The following KIRREL1 variants were observed in gnomAD, a reference collection of about 807,000 sequenced individuals.
The protein encoded by KIRREL1 is kin of IRRE-like protein 1.
KIRREL1 carries 25 observed loss-of-function variants against 83.3 expected under a neutral mutation model. That is an observed-to-expected ratio of 0.30 (90% CI 0.22 to 0.42). The LOEUF (loss-of-function observed/expected upper bound fraction) is 0.42. Among genes scored for constraint, KIRREL1 ranks in the 10% least tolerant of loss-of-function variants. The probability of loss-of-function intolerance (pLI) is 1.00; values close to 1 mark genes in which losing one functional copy is unlikely to be tolerated. For missense variants in KIRREL1, 812 were observed against 1,032.3 expected, an observed-to-expected ratio of 0.79 and a Z score of 2.92; for synonymous variants, 388 against 410.4, an observed-to-expected ratio of 0.95 and a Z score of 0.66.
chr1:158,008,885 G>A (rs545046366), intron 1 of KIRREL1, among the ~76,000 whole-genome samples: 1 of 152,276 alleles, frequency 6.6e-6, no homozygotes, highest in East Asian at 1.9e-4. Flanking sequence ...CTGTCTCCAT[G>A]GGGTCAGCAC....
intron 1 of KIRREL1, among the ~76,000 whole-genome samples, chr1:158,008,719 C>G (rs1014789016): frequency 2.0e-5 from 3 of 152,156 alleles, no homozygotes; most frequent in Non-Finnish European, 4.4e-5. Flanking sequence ...CATGTGGGAG[C>G]TGCGCCAGGT....
intron 1 of KIRREL1, among the ~76,000 whole-genome samples, chr1:157,996,749 G>A (rs1488568205): frequency 6.6e-6 from 1 of 152,216 alleles, no homozygotes; most frequent in African/African-American, 2.4e-5. Context: ...AGAGTCAGGG[G>A]AGACATGGCA....
chr1:157,997,235 T>C (rs540492289), intron 1 of KIRREL1, among the ~76,000 whole-genome samples: 15 of 152,276 alleles, frequency 9.9e-5, no homozygotes, highest in Admixed American at 2.0e-4. Context: ...GAACAAGTCA[T>C]GTACATTCCC....
intron 1 of KIRREL1, among the ~76,000 whole-genome samples, chr1:158,061,173 C>A (rs982121488): frequency 6.6e-6 from 1 of 152,060 alleles, no homozygotes; most frequent in Non-Finnish European, 1.5e-5. Context: ...GCAAAGGCTG[C>A]TCGTTGGAAT....
chr1:158,092,132 A>G (rs555216419), intron 11 of KIRREL1, among the ~76,000 whole-genome samples: 1 of 152,348 alleles, frequency 6.6e-6, no homozygotes, highest in African/African-American at 2.4e-5. Context: ...CTACCTCTTC[A>G]AGAATTGTCA....
At chr1:157,994,570 G>T (rs979220484) in intron 1 of KIRREL1, among the ~76,000 whole-genome samples, 1 of 152,008 alleles carries the variant, frequency 6.6e-6, no homozygotes, top group Admixed American at 6.5e-5. Context: ...GCTGGGGTTG[G>T]GGGAGGGAAG....
intron 4 of KIRREL1, among the ~76,000 whole-genome samples, 165 bp from the exon 5 acceptor site, chr1:158,086,431 C>T (rs1662015839): frequency 6.6e-6 from 1 of 151,472 alleles, no homozygotes; most frequent in African/African-American, 2.4e-5. Context: ...TAAACACACA[C>T]ACACACACAC....
intron 4 of KIRREL1, among the ~76,000 whole-genome samples, chr1:158,085,552 T>C (rs1299969914): frequency 6.6e-6 from 1 of 152,182 alleles, no homozygotes; most frequent in Non-Finnish European, 1.5e-5. Flanking sequence ...ACCAAACAAG[T>C]TGGTTTGTTA....
intron 1 of KIRREL1, among the ~76,000 whole-genome samples, chr1:158,074,725 G>A (rs934134318): frequency 5.3e-4 from 81 of 152,316 alleles, no homozygotes; most frequent in African/African-American, 1.9e-3. Context: ...GAGAAATGGG[G>A]CTGGTGAAGA....
intron 13 of KIRREL1, 100 bp downstream of exon 13, chr1:158,093,862 A>T: frequency 7.6e-7 from 1 of 1,313,764 alleles, no homozygotes. Flanking sequence ...CTCCTTCCTC[A>T]GTCGGTCTTC....
At chr1:158,088,252 G>A (rs1662078126) in intron 7 of KIRREL1, 75 bp from the exon 8 acceptor site, 1 of 1,602,972 alleles carries the variant, frequency 6.2e-7, no homozygotes, top group African/African-American at 1.3e-5. Context: ...GGAGGTAGCA[G>A]GGCAGGAGGA....
At chr1:158,030,337 A>G (rs1041166062) in intron 1 of KIRREL1, among the ~76,000 whole-genome samples, 10 of 152,224 alleles carry the variant, frequency 6.6e-5, no homozygotes, top group African/African-American at 2.4e-4. Context: ...TCAGACTTGC[A>G]TATATTTTAG....
chr1:157,993,668 G>C lies in KIRREL1; in HGVS notation c.-9G>C. ...CCAGCCGCGGGCGGGCGCACGGCGGGCGGACAGCATGCTGAGCCTCCTCGT... is the reference window on the plus strand; with the variant it reads ...CCAGCCGCGGGCGGGCGCACGGCGGCCGGACAGCATGCTGAGCCTCCTCGT... On this transcript the variant is annotated 5_prime_UTR_variant, in exon 1 of 15. Transcript: ENST00000359209. 6.8e-7 allele frequency: 1 copy of C among 1,479,286 alleles called. No homozygotes were observed. Among genetic ancestry groups the C allele is most frequent in the Non-Finnish European group, 9.0e-7 (1 of 1,112,708 alleles). 91.6% of individuals were successfully genotyped at this position (1,479,286 alleles called of 1,614,324 possible).
Position 158,088,009 on chromosome 1 carries a change from G to A in KIRREL1, c.771G>A (p.Trp257Ter). ...TCTGTGTTGCCTCCTCCCCTAGGTG[G>A]GCCAAAGGGGGTTTCTTGATTGAAG... Reference protein sequence around the residue: ...TANPEILGYRWAKGGFLIEDA... With the variant: ...TANPEILGYR Residue 257 changes from tryptophan (W) to a stop codon, truncating the protein, a stop_gained, in exon 7 of 15, where the codon TGG (tryptophan) becomes TGA (stop). Coordinates refer to ENST00000359209, the MANE Select transcript of KIRREL1 (RefSeq NM_018240.7). LOFTEE classifies it high-confidence loss of function. 6.2e-7 allele frequency: 1 copy of A among 1,614,172 alleles called. No homozygotes were observed. The highest frequency in any genetic ancestry group is 1.7e-5 in the Admixed American group (1 of 60,022).
chr1:158,053,241 T>A (rs747255106), intron 1 of KIRREL1, among the ~76,000 whole-genome samples: 15 of 152,076 alleles, frequency 9.9e-5, no homozygotes, highest in Non-Finnish European at 1.9e-4. Context: ...CCTGTCTCCA[T>A]CCCCCAGTAC....
intron 1 of KIRREL1, among the ~76,000 whole-genome samples, chr1:158,025,863 C>T (rs942439539): frequency 1.3e-5 from 2 of 151,774 alleles, no homozygotes; most frequent in African/African-American, 4.8e-5. Context: ...TCCTCCTGGG[C>T]AGGAGGAGGT....
intron 1 of KIRREL1, among the ~76,000 whole-genome samples, chr1:158,050,216 C>A (rs1026306597): frequency 6.6e-6 from 1 of 152,102 alleles, no homozygotes; most frequent in Admixed American, 6.5e-5. Context: ...TACTGCCTCA[C>A]CCCGACAGCC....
intron 1 of KIRREL1, among the ~76,000 whole-genome samples, chr1:158,000,344 C>A (rs779483689): frequency 6.6e-5 from 10 of 152,222 alleles, no homozygotes; most frequent in Non-Finnish European, 1.5e-4. Flanking sequence ...TTTCTTCCAG[C>A]CATAGCAGCC....
chr1:158,015,351 T>C (rs1379048627), intron 1 of KIRREL1, among the ~76,000 whole-genome samples: 1 of 152,168 alleles, frequency 6.6e-6, no homozygotes, highest in Non-Finnish European at 1.5e-5. Flanking sequence ...CTGCCCGCTG[T>C]TATCACCCAC....
Sources: allele counts gnomAD v4.1 joint callset (sites outside exome capture counted in the v4.1 genomes callset), GRCh38; gene constraint gnomAD v4.1.1; transcripts MANE v1.5; gene names NCBI Gene and HGNC (gene_info 2026-07-23, HGNC 2026-07-21).